The following EPS8L1 variants were observed in gnomAD, a reference collection of about 807,000 sequenced individuals.
The protein encoded by EPS8L1 is EPS8 signaling adaptor L1, also known as epidermal growth factor receptor kinase substrate 8-like protein 1.
Under a neutral mutation model 91.7 loss-of-function variants are expected in EPS8L1, and 101 were observed. The observed-to-expected ratio is 1.10, with a 90% CI of 0.94 to 1.30. EPS8L1 has a LOEUF of 1.30. Among genes scored for constraint, EPS8L1 ranks in the 50% most tolerant of loss-of-function variants. The pLI, the probability that EPS8L1 is intolerant of heterozygous loss-of-function variation, is 0.00. For synonymous variants in EPS8L1, 506 were observed against 445.3 expected, an observed-to-expected ratio of 1.14 and a Z score of -1.72; for missense variants, 1,114 against 1,017.0, an observed-to-expected ratio of 1.10 and a Z score of -1.30.
chr19:55,086,828 G>A lies in EPS8L1; in HGVS notation c.1892G>A (p.Ser631Asn). Reference sequence around the variant, plus strand: ...CCCCGCGCCCCGGAACCGCAGCTCAGCCCGGGCTCGGACGCCTCCGAGGTC... The same window carrying A: ...CCCCGCGCCCCGGAACCGCAGCTCAACCCGGGCTCGGACGCCTCCGAGGTC... ...PGPRAPEPQL[S>N]PGSDASEVRA... The change falls in exon 18 of 20, where the codon AGC becomes AAC. Residue 631 changes from serine (S) to asparagine (N), a missense_variant. Ser to Asn is a conservative substitution (Grantham distance 46). Coordinates refer to ENST00000201647, the MANE Select transcript of EPS8L1 (RefSeq NM_133180.3). 2 of 1,556,060 alleles carry A rather than the reference G, an allele frequency of 1.3e-6. No individual in the cohort carries two copies. The highest frequency in any genetic ancestry group is 2.4e-5 in the East Asian group (1 of 41,552).
chr19:55,079,400 G>A (rs2076205163), intron 4 of EPS8L1, among the ~76,000 whole-genome samples: 1 of 152,172 alleles, frequency 6.6e-6, no homozygotes, highest in Admixed American at 6.5e-5. Flanking sequence ...CAGGGGGCAT[G>A]GCAGGAGACC....
At position 55,086,398 on chromosome 19, in the gene EPS8L1, ACTC is replaced by A. The variant is rs1280155386; in HGVS notation, c.1665_1667del (p.Pro558del). The A allele has an allele frequency of 3.2e-6, 5 of 1,574,524 alleles. No homozygotes were observed. Among genetic ancestry groups the A allele is most frequent in the Middle Eastern group, 1.7e-4 (1 of 6,028 alleles). ...CTCCTCTCCTTCCTTTCAGAACAGCACTCCTCCTCCACCACCAGCCCCAGCCCC... is the reference window on the plus strand; with the variant it reads ...CTCCTCTCCTTCCTTTCAGAACAGCACTCCTCCACCACCAGCCCCAGCCCC... On this transcript the variant is annotated inframe_deletion, in exon 17 of 20. Coordinates refer to ENST00000201647, the MANE Select transcript of EPS8L1 (RefSeq NM_133180.3).
chr19:55,086,430 C>T lies in EPS8L1; in HGVS notation c.1689C>T (p.Ala563=). 6.4e-7 allele frequency: 1 copy of T among 1,557,446 alleles called. No homozygotes were observed. Among genetic ancestry groups the T allele is most frequent in the Non-Finnish European group, 8.7e-7 (1 of 1,149,640 alleles). The stretch of plus-strand genomic sequence containing the variant: ...CTCCACCACCAGCCCCAGCCCCGGC[C>T]CCACCTCCAGCTCTGGCTCGGCCCC... ...TPPPPPAPAP[A]PPPALARPRW... Residue 563 remains alanine, a synonymous_variant, in exon 17 of 20, where the codon GCC becomes GCT. Coordinates refer to ENST00000201647, the MANE Select transcript of EPS8L1 (RefSeq NM_133180.3).
At position 55,082,015 on chromosome 19, in the gene EPS8L1, A is replaced by G. The variant is rs758129876; in HGVS notation, c.902-77A>G. On this transcript the variant is annotated intron_variant, in intron 9 of 19. Coordinates refer to ENST00000201647, the MANE Select transcript of EPS8L1 (RefSeq NM_133180.3). ...CCAGGGCTGACCTCACCGCCATCTT[A>G]ACCGGGTGTCCACCTCTCTCTGCCT... 19 of 1,551,236 alleles carry G rather than the reference A, an allele frequency of 1.2e-5. No individual in the cohort carries two copies. In the Admixed American group the frequency reaches 3.7e-4, roughly 30 times the overall value.
rs1192054064 is a variant in EPS8L1, at chr19:55,086,964, C to T, written c.1952+76C>T. 2.9e-6 allele frequency: 4 copies of T among 1,393,890 alleles called. No homozygotes were observed. The African/African-American group carries it at 4.6e-5, about 16-fold the overall frequency. The allele number at this position is 1,393,890 out of a possible 1,614,324, so 86.3% of individuals were successfully genotyped here. On this transcript the variant is annotated intron_variant, in intron 18 of 19. Transcript: ENST00000201647. ...CGGAGCGTTCCGATCGGCCGGGAGT[C>T]GGGGGGCGGCAGTCGTGGAGACCAC...
At chr19:55,086,942 A>G in intron 18 of EPS8L1, 54 bp downstream of exon 18, 1 of 1,400,716 alleles carries the variant, frequency 7.1e-7, no homozygotes, top group East Asian at 2.8e-5. Flanking sequence ...CTGGGAGCGG[A>G]GCGTTCCGAT....
chr19:55,087,134 C>A (rs2076361323), intron 18 of EPS8L1, 169 bp from the exon 19 acceptor site: 2 of 1,160,276 alleles, frequency 1.7e-6, no homozygotes, highest in Admixed American at 2.9e-5. Context: ...CCACGCCCCC[C>A]GGGTGGCAAC....
Position 55,083,642 on chromosome 19 carries a change from T to C in EPS8L1, c.1383T>C (p.Asn461=), listed in dbSNP as rs2076320534. 6.3e-7 allele frequency: 1 copy of C among 1,594,612 alleles called. No homozygotes were observed. The highest frequency in any genetic ancestry group is 8.5e-7 in the Non-Finnish European group (1 of 1,171,140). Residue 461 remains asparagine, a splice_region_variant and synonymous_variant, in exon 14 of 20, where the codon AAT becomes AAC. Coordinates refer to ENST00000201647, the MANE Select transcript of EPS8L1 (RefSeq NM_133180.3). The surrounding 1 kb of genome is among the most constrained non-coding windows in gnomAD (Gnocchi z 4.7). ...AAAGCGCCCCCCAGGTCGCTGTCAA[T>C]GGGTGAGTGTCCGCCCCAGGGCAGG... ...RQQSAPQVAV[N]GHRDLEPESE...
Position 55,079,678 on chromosome 19 carries a change from G to A in EPS8L1, c.118-12G>A, listed in dbSNP as rs1374291309. 1.2e-6 allele frequency: 2 copies of A among 1,611,096 alleles called. No individual in the cohort carries two copies. Among genetic ancestry groups the A allele is most frequent in the East Asian group, 2.2e-5 (1 of 44,832 alleles). ...TCTTGGGCCTCACTGCTTTCTCCAT[G>A]GTCCGTACCAGCACCTGGTGACGTT... is the stretch of plus-strand genomic sequence containing the variant. On this transcript the variant is annotated splice_polypyrimidine_tract_variant and intron_variant, in intron 4 of 19. Coordinates refer to ENST00000201647, the MANE Select transcript of EPS8L1 (RefSeq NM_133180.3).
chr19:55,077,584 CTT>C (rs35750835), intron 2 of EPS8L1, among the ~76,000 whole-genome samples: 4 of 76,888 alleles, frequency 5.2e-5, no homozygotes, highest in East Asian at 8.7e-4. Flanking sequence ...CCTGACCTGT[CTT>C]TTTTTTTTTT....
rs1164241850 is a variant in EPS8L1, at chr19:55,081,751, G to A, written c.775-22G>A. 9 of 1,585,254 alleles carry A rather than the reference G, an allele frequency of 5.7e-6. No individual in the cohort carries two copies. Among genetic ancestry groups the A allele is most frequent in the South Asian group, 1.1e-5 (1 of 89,062 alleles). Reference sequence around the variant, plus strand: ...GTTTTGGAACTCGGGAGCCCTGAGCGTCCCCCTCCTCTGTCCCCTAGGACA... The same window carrying A: ...GTTTTGGAACTCGGGAGCCCTGAGCATCCCCCTCCTCTGTCCCCTAGGACA... On this transcript the variant is annotated intron_variant, in intron 8 of 19. Transcript: ENST00000201647. This position sits in a 1 kb window ranked among gnomAD's most constrained non-coding sequence, Gnocchi z 4.9.
At position 55,078,156 on chromosome 19, in the gene EPS8L1, C is replaced by A. The variant is rs2076169322; in HGVS notation, c.58+28C>A. The A allele has an allele frequency of 8.1e-6, 13 of 1,610,762 alleles. No homozygotes were observed. The East Asian group carries it at 2.2e-4, about 28-fold the overall frequency. On this transcript the variant is annotated intron_variant, in intron 3 of 19. Coordinates refer to ENST00000201647, the MANE Select transcript of EPS8L1 (RefSeq NM_133180.3). ...GAGCGGGGGGCAAGGGAGCCCCAGG[C>A]CCATAGAACTGGGTCTAAAGAAACA...
chr19:55,082,408 G>C (rs1602941866), intron 11 of EPS8L1, 46 bp from the exon 12 acceptor site: 1 of 1,612,138 alleles, frequency 6.2e-7, no homozygotes, highest in Non-Finnish European at 8.5e-7. Flanking sequence ...GGTTCGACTT[G>C]TAGAAGGTGT....
At chr19:55,079,996 T>C in intron 5 of EPS8L1, 133 bp from the exon 6 acceptor site, 1 of 1,435,600 alleles carries the variant, frequency 7.0e-7, no homozygotes, top group South Asian at 1.4e-5. Flanking sequence ...TAGCCTCATC[T>C]ATTAAACAGG....
rs1292098121 is a variant in EPS8L1 at position 55,083,501 on chromosome 19, C to A, written c.1338C>A (p.His446Gln). 1 of 1,611,154 alleles carries A rather than the reference C, an allele frequency of 6.2e-7. No homozygotes were observed. Among genetic ancestry groups the A allele is most frequent in the Non-Finnish European group, 8.5e-7 (1 of 1,179,090 alleles). ...ACCCAGTTGAGAAACAGCTACAGCA[C>A]GAGCGGAGGCGCCGGCAGGTGACCC... ...WEDPVEKQLQ[H>Q]ERRRRQQSAP... Residue 446 changes from histidine (H) to glutamine (Q), a missense_variant, in exon 13 of 20, where the codon CAC becomes CAA. By Grantham distance (24) the His-to-Gln change is conservative (BLOSUM62 0). Coordinates refer to ENST00000201647, the MANE Select transcript of EPS8L1 (RefSeq NM_133180.3). This position sits in a 1 kb window ranked among gnomAD's most constrained non-coding sequence, Gnocchi z 4.7.
chr19:55,079,553 T>G lies in EPS8L1; in HGVS notation c.118-137T>G, dbSNP rs8113021. ...AGGGCACTGGGAGGAGGAGCTGATT[T>G]GTGGAACAGGTGATCAAGGAAGGCT... On this transcript the variant is annotated intron_variant, in intron 4 of 19. Coordinates refer to ENST00000201647, the MANE Select transcript of EPS8L1 (RefSeq NM_133180.3). The G allele has an allele frequency of 5.4e-3, 5,555 of 1,021,808 alleles. 184 individuals carry two copies. In the African/African-American group the frequency reaches 0.08, roughly 15 times the overall value. The allele number at this position is 1,021,808 out of a possible 1,614,324, so 63.3% of individuals were successfully genotyped here.
Position 55,082,181 on chromosome 19 carries a change from G to T in EPS8L1, c.990+1G>T. On this transcript the variant is annotated splice_donor_variant, in intron 10 of 19. Coordinates refer to ENST00000201647, the MANE Select transcript of EPS8L1 (RefSeq NM_133180.3). LOFTEE classifies it high-confidence loss of function. The stretch of plus-strand genomic sequence containing the variant: ...GATCAAGTACGCCTTCAGCCTGCTG[G>T]TGAGGACGCGCCCGCCCCTGGGCCG... 6.3e-7 allele frequency: 1 copy of T among 1,593,648 alleles called. No homozygotes were observed. The highest frequency in any genetic ancestry group is 1.1e-5 in the South Asian group (1 of 88,928).
rs1193628260 is a variant in EPS8L1 at position 55,086,550 on chromosome 19, G to A, written c.1777+32G>A. ...GGTGGGGACGCCGGCTGCGGGGAGC[G>A]GTCCTTATCCTTGCTTTCCAGGCAG... On this transcript the variant is annotated intron_variant, in intron 17 of 19. Transcript: ENST00000201647. 1.1e-5 allele frequency: 17 copies of A among 1,546,310 alleles called. 1 individual carries two copies. Among genetic ancestry groups the A allele is most frequent in the Admixed American group, 3.9e-5 (2 of 50,730 alleles).
rs1034659597 is a variant in EPS8L1 at position 55,081,438 on chromosome 19, G to C, written c.720G>C (p.Pro240=). Residue 240 remains proline (P), a synonymous_variant, in exon 8 of 20, where the codon CCG becomes CCC. Transcript: ENST00000201647. This position sits in a 1 kb window ranked among gnomAD's most constrained non-coding sequence, Gnocchi z 4.9. ...CGAGCAACGCTGACTCGGCCTCCCC[G>C]GACCTGGGTCCCCGGGGTCCTGACC... ...GTSSNADSAS[P]DLGPRGPDLA... is the part of the protein sequence containing the mutation. The C allele has an allele frequency of 1.9e-6, 3 of 1,602,656 alleles. No individual in the cohort carries two copies. The highest frequency in any genetic ancestry group is 2.7e-5 in the African/African-American group (2 of 74,776).
Sources: allele counts gnomAD v4.1 joint callset (sites outside exome capture counted in the v4.1 genomes callset), GRCh38; gene constraint gnomAD v4.1.1; non-coding constraint Gnocchi (gnomAD v3.1); transcripts MANE v1.5; gene names NCBI Gene and HGNC (gene_info 2026-07-23, HGNC 2026-07-21).